Variants in ELP4 observed in about 807,000 individuals in gnomAD.
ELP4 encodes elongator acetyltransferase complex subunit 4, also known as elongator complex protein 4.
A neutral mutation model predicts 48.9 loss-of-function variants in ELP4; 51 were observed. That is an observed-to-expected ratio of 1.04 (90% CI 0.83 to 1.32). ELP4 has a LOEUF of 1.32. Among genes scored for constraint, ELP4 ranks in the 40% most tolerant of loss-of-function variants. The probability of loss-of-function intolerance (pLI) is 0.00; values close to 1 mark genes in which losing one functional copy is unlikely to be tolerated. For missense variants in ELP4, 519 were observed against 514.6 expected, an observed-to-expected ratio of 1.01 and a Z score of -0.08; for synonymous variants, 210 against 189.2, an observed-to-expected ratio of 1.11 and a Z score of -0.90.
intron 3 of ELP4, among the ~76,000 whole-genome samples, chr11:31,542,926 C>G (rs1037819143): frequency 2.0e-5 from 3 of 152,022 alleles, no homozygotes; most frequent in African/African-American, 7.3e-5. Context: ...GAAGATTAAA[C>G]ATGTTAAATG....
At chr11:31,757,828 A>T (rs912466901) in intron 9 of ELP4, among the ~76,000 whole-genome samples, 1 of 152,202 alleles carries the variant, frequency 6.6e-6, no homozygotes, top group African/African-American at 2.4e-5. Context: ...GGCTCATAGA[A>T]GTGGAGGTAA....
intron 5 of ELP4, among the ~76,000 whole-genome samples, chr11:31,617,813 G>A (rs1431480381): frequency 6.7e-6 from 1 of 149,878 alleles, no homozygotes; most frequent in Non-Finnish European, 1.5e-5. Context: ...TAAAGAATCA[G>A]ATAATAACAA....
chr11:31,790,244 C>A lies in ELP4; in HGVS notation c.*6720C>A, dbSNP rs1294022333. 4 of 532,238 alleles carry A rather than the reference C, an allele frequency of 7.5e-6. No individual in the cohort carries two copies. Among genetic ancestry groups the A allele is most frequent in the Admixed American group, 3.9e-5 (1 of 25,568 alleles). The allele number at this position is 532,238 out of a possible 1,614,324, so 33.0% of individuals were successfully genotyped here. On this transcript the variant is annotated 3_prime_UTR_variant, in exon 10 of 10. Transcript: ENST00000640961. The stretch of plus-strand genomic sequence containing the variant: ...TATTGGATCCCAAGTACCCCCCACC[C>A]CAATCCAAAGGAAAAGAAAAAAAAA...
intron 5 of ELP4, among the ~76,000 whole-genome samples, chr11:31,619,261 G>A (rs1436610479): frequency 2.0e-5 from 3 of 151,994 alleles, no homozygotes; most frequent in Non-Finnish European, 2.9e-5. Context: ...CCCGTGCACA[G>A]GTGGAGGTAC....
chr11:31,674,986 A>G (rs146855243), intron 9 of ELP4, among the ~76,000 whole-genome samples: 176 of 152,294 alleles, frequency 1.2e-3, no homozygotes, highest in African/African-American at 4.0e-3. Flanking sequence ...ATGTTTGTAC[A>G]CAACGTGGCA....
intron 3 of ELP4, among the ~76,000 whole-genome samples, chr11:31,559,090 C>T (rs531150506): frequency 5.1e-4 from 77 of 152,002 alleles, no homozygotes; most frequent in African/African-American, 1.8e-3. Flanking sequence ...AAGGATGCCA[C>T]GAAAGGAAAA....
intron 3 of ELP4, among the ~76,000 whole-genome samples, chr11:31,543,602 T>G (rs191155690): frequency 6.6e-6 from 1 of 152,258 alleles, no homozygotes; most frequent in East Asian, 1.9e-4. Flanking sequence ...AACTCCAAGT[T>G]TTAAAAGTCC....
At chr11:31,731,567 G>GGGGTGTGTGTGTGTGT (rs1554974418) in intron 9 of ELP4, among the ~76,000 whole-genome samples, 1 of 142,760 alleles carries the variant, frequency 7.0e-6, no homozygotes, top group African/African-American at 2.7e-5. Context: ...CCATTAAGCA[G>GGGGTGTGTGTGTGTGT]GTGTGTGTGT....
chr11:31,594,816 A>G lies in ELP4; in HGVS notation c.428A>G (p.Asp143Gly), dbSNP rs762477905. ...LLDDKCKKEFDEDVYNHKTPE... is the reference protein window; with the variant it reads ...LLDDKCKKEFGEDVYNHKTPE... ...GATGATAAATGTAAAAAGGAATTTG[A>G]TGAAGATGTATACAATCATAAAACA... Residue 143 changes from aspartate to glycine, a missense_variant, in exon 4 of 10, where the codon GAT (aspartate) becomes GGT (glycine). Asp to Gly is a moderately conservative substitution (Grantham distance 94, BLOSUM62 -1). Coordinates refer to ENST00000640961, the MANE Select transcript of ELP4 (RefSeq NM_019040.5). 5 of 1,538,478 alleles carry G rather than the reference A, an allele frequency of 3.2e-6. No homozygotes were observed. Among genetic ancestry groups the G allele is most frequent in the Admixed American group, 2.2e-5 (1 of 45,508 alleles).
At chr11:31,545,147 G>A (rs2133916089) in intron 3 of ELP4, among the ~76,000 whole-genome samples, 1 of 152,346 alleles carries the variant, frequency 6.6e-6, no homozygotes. Flanking sequence ...GAATGACTTT[G>A]ACGAGTTGAG....
chr11:31,720,757 A>C (rs969519211), intron 9 of ELP4, among the ~76,000 whole-genome samples: 3 of 152,220 alleles, frequency 2.0e-5, no homozygotes, highest in African/African-American at 7.2e-5. Flanking sequence ...TGCTCTCAAG[A>C]AACATGAACA....
chr11:31,687,645 C>T (rs550359157), intron 9 of ELP4: 40 of 152,148 alleles, frequency 2.6e-4, no homozygotes, highest in African/African-American at 9.4e-4. Context: ...CAGCAAGTAT[C>T]GACTCTCTGT....
At chr11:31,559,017 T>C (rs1194008087) in intron 3 of ELP4, among the ~76,000 whole-genome samples, 1 of 152,086 alleles carries the variant, frequency 6.6e-6, no homozygotes, top group East Asian at 1.9e-4. Context: ...GCATTAAAAC[T>C]AAAAGAAAAT....
chr11:31,572,233 T>C (rs191908325), intron 3 of ELP4, among the ~76,000 whole-genome samples: 2 of 152,264 alleles, frequency 1.3e-5, no homozygotes, highest in African/African-American at 4.8e-5. Flanking sequence ...TGCACTGTTA[T>C]GGAGAAGGCT....
At chr11:31,668,498 T>C (rs1945726549) in intron 9 of ELP4, among the ~76,000 whole-genome samples, 1 of 152,064 alleles carries the variant, frequency 6.6e-6, no homozygotes. Context: ...CTTTTTTTTT[T>C]TTTTTCCCCA....
chr11:31,648,086 G>A, intron 8 of ELP4: 2 of 306,714 alleles, frequency 6.5e-6, no homozygotes, highest in Non-Finnish European at 1.2e-5. Context: ...GGCTGAGTCA[G>A]GTGTATATTT....
intron 9 of ELP4, among the ~76,000 whole-genome samples, chr11:31,694,295 G>C (rs112849117): frequency 0.37 from 56,127 of 152,032 alleles, 12,227 homozygotes; most frequent in East Asian, 0.63. Flanking sequence ...TATGGTTTTA[G>C]GTCTAACATG....
chr11:31,723,577 TG>T (rs905829010), intron 9 of ELP4, among the ~76,000 whole-genome samples: 3 of 152,184 alleles, frequency 2.0e-5, no homozygotes, highest in African/African-American at 7.2e-5. Flanking sequence ...ATATGTATTA[TG>T]CCAGACATTG....
At chr11:31,568,642 G>C (rs1957149507) in intron 3 of ELP4, among the ~76,000 whole-genome samples, 2 of 152,122 alleles carry the variant, frequency 1.3e-5, no homozygotes, top group South Asian at 4.1e-4. Context: ...ACAATCATCT[G>C]ATCTTTGACA....
Sources: allele counts gnomAD v4.1 joint callset (sites outside exome capture counted in the v4.1 genomes callset), GRCh38; gene constraint gnomAD v4.1.1; transcripts MANE v1.5; gene names NCBI Gene and HGNC (gene_info 2026-07-23, HGNC 2026-07-21).